The following CDH12 variants were observed in gnomAD, a reference collection of about 807,000 sequenced individuals.
CDH12 encodes the protein cadherin 12.
Under a neutral mutation model 74.1 loss-of-function variants are expected in CDH12, and 41 were observed. The ratio of observed to expected loss-of-function variants is 0.55; its 90% confidence interval spans 0.43 to 0.72. The LOEUF is 0.72. CDH12 is among the 30% of genes least tolerant of loss of function. The pLI, the probability that CDH12 is intolerant of heterozygous loss-of-function variation, is 0.00. For synonymous variants in CDH12, 399 were observed against 355.0 expected (o/e 1.12, Z -1.39); for missense variants, 945 against 977.2 (o/e 0.97, Z 0.44).
intron 1 of CDH12, among the ~76,000 whole-genome samples, chr5:22,718,995 A>T (rs998344518): frequency 2.6e-5 from 4 of 152,112 alleles, no homozygotes; most frequent in African/African-American, 9.7e-5. Context: ...GCTTTTACTG[A>T]GGTTCTGTGG....
intron 3 of CDH12, among the ~76,000 whole-genome samples, chr5:22,381,958 A>T (rs1267725197): frequency 6.7e-6 from 1 of 149,914 alleles, no homozygotes; most frequent in Non-Finnish European, 1.5e-5. Context: ...GAAGTTCCTT[A>T]TAATATATAA....
chr5:22,368,604 A>T (rs1442539827), intron 3 of CDH12, among the ~76,000 whole-genome samples: 1 of 152,016 alleles, frequency 6.6e-6, no homozygotes, highest in Non-Finnish European at 1.5e-5. Context: ...AATAATAAAT[A>T]TGTATTTAGT....
chr5:22,693,826 T>C (rs1462932021), intron 1 of CDH12, among the ~76,000 whole-genome samples: 1 of 152,140 alleles, frequency 6.6e-6, no homozygotes, highest in Non-Finnish European at 1.5e-5. Flanking sequence ...ATAAAATCCA[T>C]TTTTAGACTA....
At chr5:22,260,992 C>A (rs1260120441) in intron 3 of CDH12, among the ~76,000 whole-genome samples, 1 of 151,748 alleles carries the variant, frequency 6.6e-6, no homozygotes, top group Non-Finnish European at 1.5e-5. Context: ...TAAACAATTA[C>A]ATTTATATCC....
intron 1 of CDH12, among the ~76,000 whole-genome samples, chr5:22,585,651 C>G (rs769889291): frequency 6.6e-6 from 1 of 152,082 alleles, no homozygotes; most frequent in Non-Finnish European, 1.5e-5. Context: ...AAGGATCTTT[C>G]AGTTTACCAA....
At chr5:22,406,935 A>T (rs1389394493) in intron 2 of CDH12, among the ~76,000 whole-genome samples, 1 of 152,146 alleles carries the variant, frequency 6.6e-6, no homozygotes, top group East Asian at 1.9e-4. Flanking sequence ...ATAATGAAAG[A>T]AGAAACAGCA....
rs529219873 is a variant in CDH12 at position 22,607,674 on chromosome 5, G to A, written c.-522-102310C>T. On this transcript the variant is annotated intron_variant, in intron 1 of 14. Transcript: ENST00000382254. Reference sequence around the variant, plus strand: ...ACACAGCTAACCATATCACAGGCCCGGAGGCCTAGGAGGGAAAAATGGTTT... The same window carrying A: ...ACACAGCTAACCATATCACAGGCCCAGAGGCCTAGGAGGGAAAAATGGTTT... Among the ~76,000 whole-genome samples the A allele has an allele frequency of 1.2e-3, 188 of 152,278 alleles. 2 individuals are homozygous for A. Among genetic ancestry groups the A allele is most frequent in the South Asian group, 4.1e-4 (2 of 4,824 alleles).
intron 5 of CDH12, among the ~76,000 whole-genome samples, chr5:21,988,891 A>C (rs539769202): frequency 1.3e-5 from 2 of 152,258 alleles, no homozygotes; most frequent in South Asian, 4.1e-4. Flanking sequence ...TATGGGGTGA[A>C]TAGAAGGAAC....
At chr5:22,725,841 T>G (rs559297859) in intron 1 of CDH12, among the ~76,000 whole-genome samples, 1 of 151,874 alleles carries the variant, frequency 6.6e-6, no homozygotes, top group South Asian at 2.1e-4. Flanking sequence ...GTCCATAGAA[T>G]TTTATCCTCA....
intron 1 of CDH12, among the ~76,000 whole-genome samples, chr5:22,547,610 G>C (rs1263503772): frequency 6.6e-6 from 1 of 151,946 alleles, no homozygotes; most frequent in Non-Finnish European, 1.5e-5. Flanking sequence ...ACATATTCCA[G>C]AGCTGATAAT....
chr5:21,932,679 C>T (rs372295115), intron 6 of CDH12, among the ~76,000 whole-genome samples: 3 of 151,730 alleles, frequency 2.0e-5, no homozygotes, highest in African/African-American at 7.3e-5. Context: ...GGCAGGTGGA[C>T]CATGAGGTTA....
intron 3 of CDH12, among the ~76,000 whole-genome samples, chr5:22,331,025 A>G (rs1175506041): frequency 6.6e-6 from 1 of 151,982 alleles, no homozygotes; most frequent in African/African-American, 2.4e-5. Flanking sequence ...AGAACTCCCC[A>G]TGGGTTGTTG....
At chr5:22,040,463 C>T (rs1739499047) in intron 5 of CDH12, among the ~76,000 whole-genome samples, 1 of 151,986 alleles carries the variant, frequency 6.6e-6, no homozygotes, top group South Asian at 2.1e-4. Context: ...CTTGAAAGTC[C>T]CATATAGTTT....
At chr5:22,765,773 TATC>T (rs1439307533) in intron 1 of CDH12, among the ~76,000 whole-genome samples, 30 of 151,782 alleles carry the variant, frequency 2.0e-4, no homozygotes, top group Admixed American at 3.3e-4. Context: ...TAGAAGCAAA[TATC>T]ATGTATTTGC....
At chr5:22,754,418 G>A (rs1341903824) in intron 1 of CDH12, among the ~76,000 whole-genome samples, 2 of 152,144 alleles carry the variant, frequency 1.3e-5, no homozygotes, top group Non-Finnish European at 2.9e-5. Flanking sequence ...ATGGAAAACA[G>A]CATGGTGAGT....
At position 21,995,215 on chromosome 5, in the gene CDH12, C is replaced by A. The variant is rs1050619280; in HGVS notation, c.232-19830G>T. On this transcript the variant is annotated intron_variant, in intron 5 of 14. Coordinates refer to ENST00000382254, the MANE Select transcript of CDH12 (RefSeq NM_004061.5). Reference sequence around the variant, plus strand: ...GAAGTCAGCGAGACCAAGAACCTACCGGAAGGAACCAATTCCAGACACAAA... The same window carrying A: ...GAAGTCAGCGAGACCAAGAACCTACAGGAAGGAACCAATTCCAGACACAAA... 1.1e-4 allele frequency among the ~76,000 whole-genome samples: 17 copies of A among 151,590 alleles called. No individual in the cohort carries two copies. The East Asian group carries it at 1.2e-3, about 10-fold the overall frequency.
At chr5:22,219,029 G>A (rs1751920984) in intron 3 of CDH12, among the ~76,000 whole-genome samples, 1 of 151,542 alleles carries the variant, frequency 6.6e-6, no homozygotes, top group African/African-American at 2.4e-5. Flanking sequence ...ATTTTATATA[G>A]GGAAATAAGG....
intron 5 of CDH12, among the ~76,000 whole-genome samples, chr5:22,059,332 CTATCATCTATCT>C (rs1327155125): frequency 4.8e-5 from 7 of 147,300 alleles, no homozygotes; most frequent in Non-Finnish European, 7.5e-5. Context: ...TATCGTCTAT[CTATCATCTATCT>C]ATCTATCTAT....
intron 6 of CDH12, among the ~76,000 whole-genome samples, chr5:21,921,569 A>G (rs2150072305): frequency 6.6e-6 from 1 of 152,272 alleles, no homozygotes; most frequent in South Asian, 2.1e-4. Context: ...TCCTTTTTGA[A>G]TTCATGAAAG....
Sources: allele counts gnomAD v4.1 joint callset (sites outside exome capture counted in the v4.1 genomes callset), GRCh38; gene constraint gnomAD v4.1.1; transcripts MANE v1.5; gene names NCBI Gene and HGNC (gene_info 2026-07-23, HGNC 2026-07-21).